PRDM16: variants seen among roughly 807,000 people sequenced by gnomAD.
PRDM16 encodes PR/SET domain 16, also known as histone-lysine N-methyltransferase PRDM16.
In PRDM16, 23 loss-of-function variants were observed where a neutral mutation model predicts 110.6. The ratio of observed to expected loss-of-function variants is 0.21; its 90% CI spans 0.15 to 0.29. The LOEUF is 0.29. Among genes scored for constraint, PRDM16 ranks in the 10% least tolerant of loss-of-function variants. PRDM16 has a pLI of 1.00. For synonymous variants in PRDM16, 799 were observed against 781.8 expected (o/e 1.02, Z -0.37); for missense variants, 1,615 against 1,794.3 (o/e 0.90, Z 1.81).
chr1:3,409,847 G>GGT (rs375769462), intron 8 of PRDM16, among the ~76,000 whole-genome samples: 85 of 51,922 alleles, frequency 1.6e-3, no homozygotes, highest in African/African-American at 0.013. Context: ...GTGTGGTGTG[G>GGT]GTGTGTGTGT....
intron 3 of PRDM16, among the ~76,000 whole-genome samples, chr1:3,375,189 ACTCAGAGGTCAGT>A (rs1569604672): frequency 6.6e-6 from 1 of 152,210 alleles, no homozygotes; most frequent in East Asian, 1.9e-4. Context: ...GGCCTGTGTG[ACTCAGAGGTCAGT>A]CTCTGAAGCA....
chr1:3,333,201 G>T (rs1255245987), intron 3 of PRDM16, among the ~76,000 whole-genome samples: 1 of 152,306 alleles, frequency 6.6e-6, no homozygotes, highest in Non-Finnish European at 1.5e-5. Flanking sequence ...CTGGAGAGGT[G>T]GGTGCCTGTC....
At chr1:3,275,760 C>T (rs1015989879) in intron 3 of PRDM16, among the ~76,000 whole-genome samples, 2 of 152,122 alleles carry the variant, frequency 1.3e-5, no homozygotes, top group Admixed American at 6.5e-5. Flanking sequence ...GTGAGAACCA[C>T]CAGTGAGAGC....
At chr1:3,229,754 G>A (rs1031172679) in intron 2 of PRDM16, among the ~76,000 whole-genome samples, 11 of 152,156 alleles carry the variant, frequency 7.2e-5, no homozygotes, top group African/African-American at 2.7e-4. Context: ...GAAGGGAGGC[G>A]AGCAGGTGTG....
intron 1 of PRDM16, among the ~76,000 whole-genome samples, chr1:3,082,234 CA>C (rs1483989045): frequency 6.6e-6 from 1 of 152,212 alleles, no homozygotes; most frequent in Non-Finnish European, 1.5e-5. Context: ...AGGTCCTGTG[CA>C]GTCAGGCCCT....
At chr1:3,240,618 C>T (rs1006493942) in intron 2 of PRDM16, among the ~76,000 whole-genome samples, 1 of 152,154 alleles carries the variant, frequency 6.6e-6, no homozygotes, top group African/African-American at 2.4e-5. Context: ...TGGGTTTCCT[C>T]CTTAGTTAGG....
chr1:3,133,015 G>A (rs1643365430), intron 1 of PRDM16: 2 of 152,308 alleles, frequency 1.3e-5, no homozygotes, highest in Non-Finnish European at 2.9e-5. Context: ...ACCACGTTTT[G>A]AAGAAGTTCA....
intron 3 of PRDM16, among the ~76,000 whole-genome samples, chr1:3,285,207 G>A (rs1475365334): frequency 6.6e-6 from 1 of 152,164 alleles, no homozygotes; most frequent in African/African-American, 2.4e-5. Context: ...ACTGCAGCCA[G>A]GAGCAAAGTC....
rs1193108019 is a variant in PRDM16 at position 3,181,436 on chromosome 1, AAG to A, written c.38-4688_38-4687del. ...CAGTCTTACACACGCGGTCTTACAC[AAG>A]CAGTCTTACACGGTCTTACACACGG... On this transcript the variant is annotated intron_variant, in intron 1 of 16. Coordinates refer to ENST00000270722, the MANE Select transcript of PRDM16 (RefSeq NM_022114.4). 2.7e-4 allele frequency among the ~76,000 whole-genome samples: 11 copies of A among 41,182 alleles called. 3 individuals are homozygous for A. The highest frequency in any genetic ancestry group is 1.0e-3 in the Admixed American group (3 of 2,894). 27.0% of individuals were successfully genotyped at this position (41,182 alleles called of 152,430 possible). A position where few individuals can be genotyped will look rare whatever the true frequency, so the allele number is the denominator to read the frequency against.
intron 3 of PRDM16, among the ~76,000 whole-genome samples, chr1:3,374,359 T>G (rs1272267503): frequency 6.6e-6 from 1 of 152,164 alleles, no homozygotes; most frequent in Non-Finnish European, 1.5e-5. Flanking sequence ...AAATGACACA[T>G]CTGTAAGCTG....
At position 3,424,065 on chromosome 1, in the gene PRDM16, G is replaced by A. The variant is rs145849728; in HGVS notation, c.2940-1516G>A. On this transcript the variant is annotated intron_variant, in intron 12 of 16. Transcript: ENST00000270722. ...TGCAGTCAGGGTTCCCTTCACCGTC[G>A]CCCAGCCCAGCCGGGTGCCTCTCAG... Among the ~76,000 whole-genome samples the A allele has an allele frequency of 8.9e-4, 136 of 152,234 alleles. 2 individuals are homozygous for A. The highest frequency in any genetic ancestry group is 8.1e-3 in the South Asian group (39 of 4,826).
chr1:3,383,103 C>T (rs1049702898), intron 3 of PRDM16, among the ~76,000 whole-genome samples: 5 of 152,220 alleles, frequency 3.3e-5, no homozygotes, highest in Non-Finnish European at 7.3e-5. Flanking sequence ...AGAGAAGGGA[C>T]CTGGCCATTC....
intron 3 of PRDM16, among the ~76,000 whole-genome samples, chr1:3,327,425 G>A (rs1030021333): frequency 6.6e-6 from 1 of 151,610 alleles, no homozygotes; most frequent in Admixed American, 6.6e-5. Flanking sequence ...CTCAGCCCCC[G>A]CCCTGCCCTC....
chr1:3,374,682 C>G (rs1569603038), intron 3 of PRDM16, among the ~76,000 whole-genome samples: 1 of 152,212 alleles, frequency 6.6e-6, no homozygotes, highest in African/African-American at 2.4e-5. Context: ...GAGGCATTCT[C>G]TAAGGCAGAG....
chr1:3,160,302 C>A (rs1399600915), intron 1 of PRDM16, among the ~76,000 whole-genome samples: 1 of 152,088 alleles, frequency 6.6e-6, no homozygotes, highest in Non-Finnish European at 1.5e-5. Flanking sequence ...ATCATTTGCG[C>A]CTCCAGTATG....
intron 1 of PRDM16, among the ~76,000 whole-genome samples, chr1:3,142,726 C>T (rs998883459): frequency 1.3e-4 from 19 of 151,850 alleles, no homozygotes; most frequent in African/African-American, 3.9e-4. Context: ...GGATGTGGAC[C>T]GTATTAACTG....
chr1:3,300,834 A>G (rs567579054), intron 3 of PRDM16, among the ~76,000 whole-genome samples: 2 of 152,252 alleles, frequency 1.3e-5, no homozygotes, highest in East Asian at 1.9e-4. Context: ...TCTTCCTTCA[A>G]CCGCTTAGAT....
chr1:3,210,374 C>A (rs1333675306), intron 2 of PRDM16, among the ~76,000 whole-genome samples: 3 of 151,966 alleles, frequency 2.0e-5, no homozygotes, highest in African/African-American at 7.2e-5. Context: ...GGAAGGCTTT[C>A]CCCCCTCAGA....
At chr1:3,422,295 GCAGA>G (rs1193726007) in intron 12 of PRDM16, among the ~76,000 whole-genome samples, 20 of 149,926 alleles carry the variant, frequency 1.3e-4, no homozygotes, top group South Asian at 8.5e-4. Flanking sequence ...AGACAGGCAG[GCAGA>G]CAGACAGGCA....
Sources: allele counts gnomAD v4.1 joint callset (sites outside exome capture counted in the v4.1 genomes callset), GRCh38; gene constraint gnomAD v4.1.1; transcripts MANE v1.5; gene names NCBI Gene and HGNC (gene_info 2026-07-23, HGNC 2026-07-21).